The following SPATA33 variants were observed in gnomAD, a reference collection of about 807,000 sequenced individuals.
SPATA33 encodes spermatogenesis-associated protein 33.
A neutral mutation model predicts 8.9 loss-of-function variants in SPATA33; 10 were observed. The ratio of observed to expected loss-of-function variants is 1.12; its 90% CI spans 0.69 to 1.90. SPATA33 has a LOEUF of 1.90. SPATA33 is among the 40% of genes most tolerant of loss of function. SPATA33 has a pLI of 0.00. For synonymous variants in SPATA33, 96 were observed against 72.8 expected, an observed-to-expected ratio of 1.32 and a Z score of -1.63; for missense variants, 241 against 178.3, an observed-to-expected ratio of 1.35 and a Z score of -2.00.
intron 2 of SPATA33, among the ~76,000 whole-genome samples, chr16:89,664,027 G>A (rs1196383143): frequency 6.6e-6 from 1 of 152,148 alleles, no homozygotes; most frequent in East Asian, 1.9e-4. Flanking sequence ...CCTGAGATAG[G>A]AGGATCCCTT....
chr16:89,664,756 G>T (rs935620375), intron 2 of SPATA33, among the ~76,000 whole-genome samples: 3 of 152,174 alleles, frequency 2.0e-5, no homozygotes, highest in African/African-American at 4.8e-5. Flanking sequence ...CTTGAACCGG[G>T]AATAAATTCT....
rs114962378 is a variant in SPATA33, at chr16:89,661,777, G to A, written c.211+3356G>A. ...GCGACCTAGACCTGGGCTCAGTCAC[G>A]CCTGAGACAGTCAGATGGGGTATCT... On this transcript the variant is annotated intron_variant, in intron 2 of 2. Transcript: ENST00000579310. Among the ~76,000 whole-genome samples the A allele has an allele frequency of 2.5e-3, 386 of 151,976 alleles. 3 individuals carry two copies. The highest frequency in any genetic ancestry group is 8.9e-3 in the African/African-American group (371 of 41,456).
At chr16:89,667,654 A>G (rs985510090) in intron 2 of SPATA33, among the ~76,000 whole-genome samples, 18 of 152,174 alleles carry the variant, frequency 1.2e-4, no homozygotes, top group Non-Finnish European at 8.8e-5. Context: ...CAGACCTTCA[A>G]GATCCTGTCT....
At chr16:89,662,933 A>G (rs753988578) in intron 2 of SPATA33, among the ~76,000 whole-genome samples, 1 of 151,884 alleles carries the variant, frequency 6.6e-6, no homozygotes, top group Non-Finnish European at 1.5e-5. Flanking sequence ...AGCTGAGACT[A>G]CAGGTGTGCG....
Position 89,658,261 on chromosome 16 carries a change from G to T in SPATA33, c.51G>T (p.Lys17Asn), listed in dbSNP as rs138527131. The T allele has an allele frequency of 1.4e-4, 223 of 1,614,076 alleles. No homozygotes were observed. In the African/African-American group the frequency reaches 2.7e-3, roughly 20 times the overall value. Residue 17 changes from lysine (K) to asparagine (N), a missense_variant, in exon 2 of 3, where the codon AAG (lysine) becomes AAT (asparagine). Transcript: ENST00000579310. ...KEKPRKGEEQ[K>N]KGSTYSVPKS... ...CATATATTTCAGGTGAGGAGCAAAAGAAGGGATCCACCTATTCAGTTCCAA... is the reference window on the plus strand; with the variant it reads ...CATATATTTCAGGTGAGGAGCAAAATAAGGGATCCACCTATTCAGTTCCAA...
intron 2 of SPATA33, among the ~76,000 whole-genome samples, chr16:89,665,109 C>T (rs2060008917): frequency 6.6e-6 from 1 of 152,038 alleles, no homozygotes; most frequent in South Asian, 2.1e-4. Flanking sequence ...GATTCTCCCA[C>T]CTCAGCTCCC....
intron 2 of SPATA33, among the ~76,000 whole-genome samples, chr16:89,668,859 CAT>C (rs1172061625): frequency 6.6e-6 from 1 of 152,230 alleles, no homozygotes; most frequent in Non-Finnish European, 1.5e-5. Flanking sequence ...CAACATCAGA[CAT>C]GTCCATTTCT....
Position 89,659,687 on chromosome 16 carries a change from G to GA in SPATA33, c.211+1279dup, listed in dbSNP as rs922744191. On this transcript the variant is annotated intron_variant, in intron 2 of 2. Coordinates refer to ENST00000579310, the MANE Select transcript of SPATA33 (RefSeq NM_001271907.2). ...GGCTACAGAGTGAGACTCTGTCTCA[G>GA]AAAAAAAAAAAAATAATAAGGAGAG... The GA allele has an allele frequency of 5.4e-3, 773 of 142,140 alleles. 5 individuals carry two copies. The highest frequency in any genetic ancestry group is 7.2e-3 in the Middle Eastern group (2 of 278). 8.8% of individuals were successfully genotyped at this position (142,140 alleles called of 1,614,324 possible).
intron 2 of SPATA33, among the ~76,000 whole-genome samples, chr16:89,664,769 C>T (rs1053012179): frequency 1.3e-5 from 2 of 152,160 alleles, no homozygotes; most frequent in Admixed American, 6.6e-5. Flanking sequence ...TAAATTCTGC[C>T]TCCAACCAGA....
At chr16:89,662,430 T>G (rs1356324106) in intron 2 of SPATA33, among the ~76,000 whole-genome samples, 2 of 152,246 alleles carry the variant, frequency 1.3e-5, no homozygotes, top group East Asian at 3.9e-4. Flanking sequence ...TTTTTTTTTT[T>G]TTTGAAATGG....
At chr16:89,668,787 C>T (rs921158765) in intron 2 of SPATA33, among the ~76,000 whole-genome samples, 9 of 152,366 alleles carry the variant, frequency 5.9e-5, no homozygotes, top group African/African-American at 2.2e-4. Context: ...GCTCGGCAGG[C>T]TCAGCAGTTT....
In SPATA33 at chr16:89,670,073, G is replaced by GCA. The variant is rs2060082425; in HGVS notation, c.*577_*578insAC. 1 of 146,140 alleles carries GCA rather than the reference G, an allele frequency of 6.8e-6. No individual in the cohort carries two copies. Among genetic ancestry groups the GCA allele is most frequent in the African/African-American group, 2.7e-5 (1 of 36,876 alleles). The allele number at this position is 146,140 out of a possible 1,614,324, so 9.1% of individuals were successfully genotyped here. The stretch of plus-strand genomic sequence containing the variant: ...CCACCCCACCCTGTGAGAAGCCGTG[G>GCA]CCCCCTTCTCCAGTGCTTTCGGGGA... On this transcript the variant is annotated 3_prime_UTR_variant, in exon 3 of 3. Coordinates refer to ENST00000579310, the MANE Select transcript of SPATA33 (RefSeq NM_001271907.2).
rs1171242388 is a variant in SPATA33 at position 89,657,878 on chromosome 16, C to T, written c.-34C>T. 30 of 1,515,450 alleles carry T rather than the reference C, an allele frequency of 2.0e-5. No individual in the cohort carries two copies. Among genetic ancestry groups the T allele is most frequent in the Admixed American group, 8.2e-5 (4 of 48,670 alleles). The allele number at this position is 1,515,450 out of a possible 1,614,324, so 93.9% of individuals were successfully genotyped here. On this transcript the variant is annotated 5_prime_UTR_variant, in exon 1 of 3. Coordinates refer to ENST00000579310, the MANE Select transcript of SPATA33 (RefSeq NM_001271907.2). ...CCGCGGCCGCGGAGGTGTGGGGACC[C>T]GGGCTTGCGTCGGAGGGGGCGGTGG...
At chr16:89,667,128 G>A (rs906027976) in intron 2 of SPATA33, among the ~76,000 whole-genome samples, 3 of 152,220 alleles carry the variant, frequency 2.0e-5, no homozygotes, top group African/African-American at 4.8e-5. Flanking sequence ...AGTAGTGGGT[G>A]TTTTTCCTTG....
chr16:89,663,776 C>T (rs2059991744), intron 2 of SPATA33, among the ~76,000 whole-genome samples: 1 of 152,008 alleles, frequency 6.6e-6, no homozygotes, highest in Non-Finnish European at 1.5e-5. Context: ...ACTCATAGTA[C>T]CGGAGTCCAT....
chr16:89,662,614 A>G (rs1458734431), intron 2 of SPATA33, among the ~76,000 whole-genome samples: 1 of 151,324 alleles, frequency 6.6e-6, no homozygotes, highest in African/African-American at 2.4e-5. Flanking sequence ...TTTAGTAGAG[A>G]TGAGGTTTCG....
At position 89,669,292 on chromosome 16, in the gene SPATA33, C is replaced by T; in HGVS notation, c.218C>T (p.Pro73Leu). The change falls in exon 3 of 3, where the codon CCT (proline) becomes CTT (leucine). Residue 73 changes from proline to leucine, a missense_variant. By Grantham distance (98) the Pro-to-Leu change is moderately conservative (BLOSUM62 -3). Coordinates refer to ENST00000579310, the MANE Select transcript of SPATA33 (RefSeq NM_001271907.2). ...PPPAASLEEKPDVKQKSSRKK... is the reference protein window; with the variant it reads ...PPPAASLEEKLDVKQKSSRKK... ...TGGATGTTTTTTCCTCTAGAGAAAC[C>T]TGATGTAAAGCAAAAGTCCAGCAGG... 1 of 1,614,138 alleles carries T rather than the reference C, an allele frequency of 6.2e-7. No homozygotes were observed. The highest frequency in any genetic ancestry group is 1.3e-5 in the African/African-American group (1 of 75,034).
intron 2 of SPATA33, chr16:89,660,408 T>A: frequency 8.4e-7 from 1 of 1,192,228 alleles, no homozygotes; most frequent in Non-Finnish European, 1.0e-6. Context: ...GGACCGCCTG[T>A]TGGAAGGGCC....
At chr16:89,658,763 C>CAG (rs2151523200) in intron 2 of SPATA33, 1 of 342,142 alleles carries the variant, frequency 2.9e-6, no homozygotes, top group Non-Finnish European at 5.6e-6. Context: ...CACACTGGAA[C>CAG]AGAGCATTGG....
Sources: gnomAD v4.1 joint callset for allele counts (sites outside exome capture counted in the v4.1 genomes callset) on GRCh38, gnomAD v4.1.1 for gene constraint, MANE v1.5 for transcripts, NCBI Gene and HGNC (gene_info 2026-07-23, HGNC 2026-07-21) for gene names.